The following MGAT4C variants were observed in gnomAD, a reference collection of about 807,000 sequenced individuals.
The protein encoded by MGAT4C is MGAT4 family member C, also known as alpha-1,3-mannosyl-glycoprotein 4-beta-N-acetylglucosaminyltransferase C.
Under a neutral mutation model 40.1 loss-of-function variants are expected in MGAT4C, and 19 were observed. The observed-to-expected ratio is 0.47, with a 90% CI of 0.33 to 0.70. The LOEUF is 0.70. Among genes scored for constraint, MGAT4C ranks in the 30% least tolerant of loss-of-function variants. The pLI is 0.02. For missense variants in MGAT4C, 491 were observed against 563.2 expected, an observed-to-expected ratio of 0.87 and a Z score of 1.30; for synonymous variants, 181 against 187.1, an observed-to-expected ratio of 0.97 and a Z score of 0.27.
chr12:86,483,399 C>A (rs979184125), intron 2 of MGAT4C, among the ~76,000 whole-genome samples: 1 of 151,964 alleles, frequency 6.6e-6, no homozygotes, highest in Admixed American at 6.6e-5. Flanking sequence ...TAACATTTTA[C>A]CCCCCAAAAT....
chr12:86,698,612 G>A (rs1424459530), intron 2 of MGAT4C, among the ~76,000 whole-genome samples: 1 of 151,730 alleles, frequency 6.6e-6, no homozygotes, highest in Non-Finnish European at 1.5e-5. Context: ...GGAGGATTAG[G>A]ACAAAAAACT....
chr12:86,279,125 T>C (rs1021144296), intron 4 of MGAT4C, among the ~76,000 whole-genome samples: 1 of 152,194 alleles, frequency 6.6e-6, no homozygotes, highest in Admixed American at 6.5e-5. Context: ...TCTATTTTTT[T>C]AATGTGTCTT....
At chr12:86,624,112 G>T (rs1962724525) in intron 2 of MGAT4C, among the ~76,000 whole-genome samples, 1 of 152,124 alleles carries the variant, frequency 6.6e-6, no homozygotes, top group East Asian at 1.9e-4. Flanking sequence ...TCATATATAA[G>T]TTGAAAATAA....
intron 1 of MGAT4C, among the ~76,000 whole-genome samples, chr12:86,167,849 T>C (rs906754170): frequency 1.3e-5 from 2 of 152,182 alleles, no homozygotes; most frequent in Admixed American, 6.6e-5. Flanking sequence ...ACATTTTCAA[T>C]TTAAGACTAT....
chr12:86,776,834 A>T (rs1406241478), intron 1 of MGAT4C, among the ~76,000 whole-genome samples: 1 of 152,152 alleles, frequency 6.6e-6, no homozygotes, highest in Non-Finnish European at 1.5e-5. Flanking sequence ...ACATATAAAT[A>T]TCAGAATTTT....
intron 2 of MGAT4C, among the ~76,000 whole-genome samples, chr12:86,455,644 C>T (rs1472768258): frequency 6.6e-6 from 1 of 152,044 alleles, no homozygotes; most frequent in Non-Finnish European, 1.5e-5. Flanking sequence ...AATGGACTCT[C>T]TTAATATGTG....
intron 3 of MGAT4C, among the ~76,000 whole-genome samples, chr12:86,405,309 ACAG>A (rs1290753431): frequency 1.3e-5 from 2 of 152,030 alleles, no homozygotes; most frequent in African/African-American, 4.8e-5. Flanking sequence ...CAGTCAATAA[ACAG>A]CAGAAGTCAA....
chr12:86,411,990 C>T (rs1039946060), intron 3 of MGAT4C, among the ~76,000 whole-genome samples: 1 of 152,186 alleles, frequency 6.6e-6, no homozygotes, highest in Non-Finnish European at 1.5e-5. Context: ...GTCCTAAGGC[C>T]TGGTGGCTTC....
At chr12:86,257,625 C>T (rs544922206), upstream of MGAT4C, among the ~76,000 whole-genome samples, 1 of 152,306 alleles carries the variant, frequency 6.6e-6, no homozygotes, top group South Asian at 2.1e-4. Flanking sequence ...TGTTACATTC[C>T]CTCTGCATTT....
At chr12:86,461,025 T>C (rs574772407) in intron 2 of MGAT4C, among the ~76,000 whole-genome samples, 2 of 152,210 alleles carry the variant, frequency 1.3e-5, no homozygotes, top group East Asian at 3.9e-4. Context: ...CCTTAAAATA[T>C]AAATATTTAT....
At chr12:86,700,178 C>CAGACAGATAGATAGAT (rs1386887962) in intron 2 of MGAT4C, among the ~76,000 whole-genome samples, 39 of 140,772 alleles carry the variant, frequency 2.8e-4, no homozygotes, top group Admixed American at 2.7e-3. Flanking sequence ...GACAGACAGA[C>CAGACAGATAGATAGAT]AGATAGATAG....
intron 2 of MGAT4C, among the ~76,000 whole-genome samples, chr12:86,504,256 A>T (rs1036561805): frequency 3.9e-5 from 6 of 152,110 alleles, no homozygotes; most frequent in Non-Finnish European, 7.4e-5. Flanking sequence ...CTGAAAATGC[A>T]CTATCCTATG....
intron 2 of MGAT4C, among the ~76,000 whole-genome samples, chr12:86,610,195 C>G (rs535173107): frequency 6.6e-6 from 1 of 152,024 alleles, no homozygotes; most frequent in Admixed American, 6.6e-5. Flanking sequence ...TAAAGGTGGT[C>G]GAGGATAGCG....
At chr12:86,106,661 T>C (rs1039222530) in intron 1 of MGAT4C, among the ~76,000 whole-genome samples, 101 of 152,112 alleles carry the variant, frequency 6.6e-4, no homozygotes, top group African/African-American at 2.2e-3. Context: ...ATGGTCTTTT[T>C]TTTTTCCTCT....
intron 2 of MGAT4C, among the ~76,000 whole-genome samples, chr12:86,706,603 C>A (rs1239299418): frequency 1.3e-5 from 2 of 152,000 alleles, no homozygotes; most frequent in Non-Finnish European, 2.9e-5. Flanking sequence ...ATTTATAGTA[C>A]ATTCTTTAGC....
In MGAT4C at chr12:85,963,897, A is replaced by C. The variant is rs1394838200; in HGVS notation, c.*15392T>G. ...ATGTTTCAAATGTATGCATACACAA[A>C]AGAGTAAGCAACAGGATACTTCAAG... On this transcript the variant is annotated 3_prime_UTR_variant, in exon 5 of 5. Coordinates refer to ENST00000611864, the MANE Select transcript of MGAT4C (RefSeq NM_001351288.2). 1 of 152,022 alleles carries C rather than the reference A, an allele frequency of 6.6e-6. No homozygotes were observed. Among genetic ancestry groups the C allele is most frequent in the Non-Finnish European group, 1.5e-5 (1 of 67,916 alleles). 9.4% of individuals were successfully genotyped at this position (152,022 alleles called of 1,614,324 possible). A position where few individuals can be genotyped will look rare whatever the true frequency, so the allele number is the denominator to read the frequency against.
At chr12:86,161,561 A>G (rs1243109564) in intron 1 of MGAT4C, among the ~76,000 whole-genome samples, 1 of 152,158 alleles carries the variant, frequency 6.6e-6, no homozygotes, top group Non-Finnish European at 1.5e-5. Context: ...ATCCTGGAAG[A>G]CAACAAAAGA....
At chr12:86,290,943 G>A (rs1320712917) in intron 4 of MGAT4C, among the ~76,000 whole-genome samples, 1 of 152,060 alleles carries the variant, frequency 6.6e-6, no homozygotes, top group East Asian at 1.9e-4. Context: ...AAGGGAATAA[G>A]GAAGCTCGGA....
chr12:85,999,514 C>T (rs1887037324), intron 2 of MGAT4C, among the ~76,000 whole-genome samples: 1 of 149,918 alleles, frequency 6.7e-6, no homozygotes, highest in Non-Finnish European at 1.5e-5. Flanking sequence ...TCACAATAGC[C>T]AAGATAAGGA....
Sources: gnomAD v4.1 joint callset for allele counts (sites outside exome capture counted in the v4.1 genomes callset) on GRCh38, gnomAD v4.1.1 for gene constraint, MANE v1.5 for transcripts, NCBI Gene and HGNC (gene_info 2026-07-23, HGNC 2026-07-21) for gene names.